Variants in PRKAR1A observed in about 807,000 individuals in gnomAD.
PRKAR1A encodes protein kinase cAMP-dependent type I regulatory subunit alpha, also known as cAMP-dependent protein kinase type I-alpha regulatory subunit.
A neutral mutation model predicts 52.0 loss-of-function variants in PRKAR1A; 3 were observed. The observed-to-expected ratio is 0.06, with a 90% confidence interval of 0.03 to 0.15. The LOEUF (loss-of-function observed/expected upper bound fraction) is 0.15, where lower values mean the gene tolerates loss of function less well. Among genes scored for constraint, PRKAR1A ranks in the 10% least tolerant of loss-of-function variants. The pLI, the probability that PRKAR1A is intolerant of heterozygous loss-of-function variation, is 1.00. For synonymous variants in PRKAR1A, 188 were observed against 168.4 expected (o/e 1.12, Z -0.90); for missense variants, 240 against 477.4 (o/e 0.50, Z 4.63).
the PRKAR1A span, among the ~76,000 whole-genome samples, chr17:68,459,710 T>G: frequency 1.3e-5 from 2 of 152,220 alleles, no homozygotes; most frequent in Non-Finnish European, 2.9e-5. Flanking sequence ...AATTTCAGTT[T>G]TCTAGAAGAT....
the PRKAR1A span, among the ~76,000 whole-genome samples, chr17:68,494,780 A>G: frequency 6.6e-6 from 1 of 152,040 alleles, no homozygotes; most frequent in Admixed American, 6.6e-5. Context: ...GGTATCCTTC[A>G]GACCAGCCCA....
At position 68,550,369 on chromosome 17, in the gene PRKAR1A, C is replaced by CT. The variant is rs747654899; in HGVS notation, c.974-688dup. Among the ~76,000 whole-genome samples the CT allele has an allele frequency of 8.1e-3, 642 of 79,368 alleles. 68 individuals are homozygous for CT. Among genetic ancestry groups the CT allele is most frequent in the African/African-American group, 0.017 (311 of 18,750 alleles). 52.1% of individuals were successfully genotyped at this position (79,368 alleles called of 152,430 possible). On this transcript the variant is annotated intron_variant, in intron 11 of 11. Coordinates refer to the PRKAR1A transcript ENST00000585981. ...CTTTCACATAGGAAAAATGGGGGAA[C>CT]TTTTTTTTTTTTTTTTTTTTTTTTT... is the stretch of plus-strand genomic sequence containing the variant.
chr17:68,540,774 G>A (rs1347628958), intron 11 of PRKAR1A: 2 of 1,532,646 alleles, frequency 1.3e-6, no homozygotes, highest in South Asian at 1.2e-5. Context: ...TTGTAAGTTT[G>A]TGCTCAAGGT....
the PRKAR1A span, among the ~76,000 whole-genome samples, chr17:68,496,275 C>T: frequency 6.6e-6 from 1 of 151,404 alleles, no homozygotes; most frequent in Non-Finnish European, 1.5e-5. Flanking sequence ...CTCCTGACCT[C>T]AAATGATCCA....
the PRKAR1A span, among the ~76,000 whole-genome samples, chr17:68,447,866 G>T: frequency 6.6e-6 from 1 of 151,538 alleles, no homozygotes; most frequent in Admixed American, 6.6e-5. Flanking sequence ...GGTGGCAGGT[G>T]CTTGTAGTCC....
At chr17:68,461,066 A>G in the PRKAR1A span, among the ~76,000 whole-genome samples, 1 of 152,200 alleles carries the variant, frequency 6.6e-6, no homozygotes, top group Non-Finnish European at 1.5e-5. The surrounding 1 kb of genome is among the most constrained non-coding windows in gnomAD (Gnocchi z 4.6). Context: ...TTCACTACTA[A>G]ATAACATCAG....
Position 68,528,950 on chromosome 17 carries a change from G to T in PRKAR1A, c.850G>T (p.Val284Leu), listed in dbSNP as rs1264572252. The T allele has an allele frequency of 1.9e-6, 3 of 1,613,996 alleles. No individual in the cohort carries two copies. In the East Asian group the frequency reaches 6.7e-5, roughly 36 times the overall value. ...GTTTGAAGATGGGCAGAAGATTGTG[G>T]TGCAGGGAGAACCAGGGGATGAGTT... ...VQFEDGQKIV[V>L]QGEPGDEFFI... Residue 284 changes from valine (V) to leucine (L), a missense_variant, in exon 9 of 11, where the codon GTG becomes TTG. Physicochemically the swap from Val to Leu is conservative, Grantham distance 32. This residue lies in a region of PRKAR1A where 107 missense variants were observed against 290.9 expected (regional missense o/e 0.37). Transcript: ENST00000589228.
rs2286562 is a variant in PRKAR1A, at chr17:68,543,706, C to T, written c.974-7378C>T. On this transcript the variant is annotated intron_variant, in intron 11 of 11. Coordinates refer to the PRKAR1A transcript ENST00000585981. The stretch of plus-strand genomic sequence containing the variant: ...AGTAGAAGAAGTCCACTGGTGTCTC[C>T]TCATCTCGCTGCTGTCTGGAAGGAA... 0.18 allele frequency: 295,454 copies of T among 1,613,048 alleles called. 30,155 individuals carry two copies. The highest frequency in any genetic ancestry group is 0.42 in the East Asian group (18,808 of 44,858).
Position 68,531,684 on chromosome 17 carries a change from G to A in PRKAR1A, c.*1235G>A. ...GCTGAAAGTCCTGCTTTCCTATCTA[G>A]CATTTATTTCTCTGGCAAACTTTTC... On this transcript the variant is annotated 3_prime_UTR_variant, in exon 11 of 11. Coordinates refer to ENST00000589228, the MANE Select transcript of PRKAR1A (RefSeq NM_002734.5). 1 of 1,065,360 alleles carries A rather than the reference G, an allele frequency of 9.4e-7. No homozygotes were observed. Among genetic ancestry groups the A allele is most frequent in the Non-Finnish European group, 1.1e-6 (1 of 878,808 alleles). The allele number at this position is 1,065,360 out of a possible 1,614,324, so 66.0% of individuals were successfully genotyped here.
chr17:68,444,964 A>C, the PRKAR1A span, among the ~76,000 whole-genome samples: 1 of 132,092 alleles, frequency 7.6e-6, no homozygotes, highest in East Asian at 2.2e-4. Context: ...TCTGTCACCC[A>C]GACTGGAGTG....
the PRKAR1A span, chr17:68,453,140 T>A: frequency 5.2e-6 from 3 of 577,470 alleles, no homozygotes; most frequent in East Asian, 8.6e-5. Context: ...TCCTAAATGG[T>A]GACGCATGTC....
chr17:68,476,091 C>G, the PRKAR1A span, among the ~76,000 whole-genome samples: 1 of 151,942 alleles, frequency 6.6e-6, no homozygotes, highest in Non-Finnish European at 1.5e-5. Flanking sequence ...TGTTAATGCA[C>G]TAATTGTTGA....
chr17:68,458,910 A>C, the PRKAR1A span, among the ~76,000 whole-genome samples: 1 of 152,214 alleles, frequency 6.6e-6, no homozygotes, highest in African/African-American at 2.4e-5. Flanking sequence ...TTTAATACCC[A>C]GTTTATGACA....
At chr17:68,416,741 C>T in the PRKAR1A span, among the ~76,000 whole-genome samples, 1 of 152,134 alleles carries the variant, frequency 6.6e-6, no homozygotes, top group Non-Finnish European at 1.5e-5. Flanking sequence ...TTTCTTTCTT[C>T]TACTTGTTCA....
the PRKAR1A span, among the ~76,000 whole-genome samples, chr17:68,464,632 G>C: frequency 6.6e-6 from 1 of 150,570 alleles, no homozygotes; most frequent in African/African-American, 2.5e-5. Context: ...AGTGAGCCGA[G>C]ATCGTGCCGC....
chr17:68,482,599 G>A, the PRKAR1A span, among the ~76,000 whole-genome samples: 4 of 152,086 alleles, frequency 2.6e-5, no homozygotes, highest in Admixed American at 2.0e-4. Flanking sequence ...TCACTCTGGG[G>A]CAATAACCCT....
At chr17:68,543,801 C>A (rs767016226) in intron 11 of PRKAR1A, 1 of 1,256,464 alleles carries the variant, frequency 8.0e-7, no homozygotes, top group Non-Finnish European at 1.2e-6. Flanking sequence ...GCATGACCAG[C>A]GAGAAAGGAA....
At chr17:68,420,370 C>A in the PRKAR1A span, 1 of 1,614,116 alleles carries the variant, frequency 6.2e-7, no homozygotes, top group Non-Finnish European at 8.5e-7. Context: ...ACATTGCCAA[C>A]GACAACATCT....
chr17:68,548,932 C>A (rs1034958674), intron 11 of PRKAR1A, among the ~76,000 whole-genome samples: 1 of 151,614 alleles, frequency 6.6e-6, no homozygotes, highest in Non-Finnish European at 1.5e-5. Context: ...CGGGGTTTCA[C>A]CGTGTTAGCC....
Sources: gnomAD v4.1 joint callset for allele counts (sites outside exome capture counted in the v4.1 genomes callset) on GRCh38, gnomAD v4.1.1 for gene constraint, gnomAD v4.1.1 regional missense constraint, Gnocchi (gnomAD v3.1) non-coding constraint, MANE v1.5 for transcripts, NCBI Gene and HGNC (gene_info 2026-07-23, HGNC 2026-07-21) for gene names.